FGD3: variants seen among roughly 807,000 people sequenced by gnomAD.
FGD3 encodes the protein FYVE, RhoGEF and PH domain-containing protein 3.
A neutral mutation model predicts 71.8 loss-of-function variants in FGD3; 45 were observed. That is an observed-to-expected ratio of 0.63 (90% CI 0.49 to 0.80). FGD3 has a LOEUF of 0.80. Among genes scored for constraint, FGD3 ranks in the 30% least tolerant of loss-of-function variants. The pLI is 0.00. For synonymous variants in FGD3, 378 were observed against 392.8 expected, an observed-to-expected ratio of 0.96 and a Z score of 0.44; for missense variants, 844 against 951.5, an observed-to-expected ratio of 0.89 and a Z score of 1.49.
At chr9:92,995,538 T>A (rs1463359067) in intron 3 of FGD3, among the ~76,000 whole-genome samples, 1 of 152,254 alleles carries the variant, frequency 6.6e-6, no homozygotes, top group Non-Finnish European at 1.5e-5. Flanking sequence ...AGAGAGGGCA[T>A]CCCTGTTTTA....
At chr9:93,023,051 A>T (rs1344724850) in intron 14 of FGD3, among the ~76,000 whole-genome samples, 1 of 152,210 alleles carries the variant, frequency 6.6e-6, no homozygotes, top group Non-Finnish European at 1.5e-5. Flanking sequence ...ACCTGGAGCC[A>T]TCATCATTGG....
At chr9:92,993,153 G>T (rs1444436770) in intron 3 of FGD3, among the ~76,000 whole-genome samples, 2 of 151,720 alleles carry the variant, frequency 1.3e-5, no homozygotes, top group Non-Finnish European at 2.9e-5. Context: ...TCTTTTTTTT[G>T]GTACAAGGTC....
chr9:92,957,983 A>C (rs1292991522), intron 1 of FGD3, among the ~76,000 whole-genome samples: 1 of 147,978 alleles, frequency 6.8e-6, no homozygotes, highest in African/African-American at 2.5e-5. Flanking sequence ...CCGCCTTTGA[A>C]ATTTTTAAAA....
rs771554165 is a variant in FGD3 at position 93,018,159 on chromosome 9, C to T, written c.1299C>T (p.Asn433=). The change falls in exon 11 of 18, where the codon AAC becomes AAT. Residue 433 remains asparagine, a synonymous_variant. Coordinates refer to ENST00000375482, the MANE Select transcript of FGD3 (RefSeq NM_001083536.2). ...AGGTGCAGGATATCGTCAAGCCAAA[C>T]ACAGCACATACATTCATCATAACAG... ...GLQVQDIVKP[N]TAHTFIITGR... 6 of 1,614,070 alleles carry T rather than the reference C, an allele frequency of 3.7e-6. No homozygotes were observed. In the African/African-American group the frequency reaches 8.0e-5, roughly 22 times the overall value.
chr9:92,973,347 T>A (rs1859607186), intron 1 of FGD3, among the ~76,000 whole-genome samples: 1 of 152,130 alleles, frequency 6.6e-6, no homozygotes, highest in Non-Finnish European at 1.5e-5. Flanking sequence ...ACTCCTGCCC[T>A]CAAGTGATCC....
chr9:93,016,483 G>A (rs577216851), intron 10 of FGD3, among the ~76,000 whole-genome samples: 1 of 151,876 alleles, frequency 6.6e-6, no homozygotes, highest in South Asian at 2.1e-4. Context: ...GATTACAGGT[G>A]TGTGCCACCA....
intron 1 of FGD3, among the ~76,000 whole-genome samples, chr9:92,964,962 G>T (rs888866898): frequency 6.6e-6 from 1 of 152,216 alleles, no homozygotes; most frequent in African/African-American, 2.4e-5. Context: ...AGCAGATGCG[G>T]GCCTGTGTAG....
Position 93,032,750 on chromosome 9 carries a change from C to G in FGD3, c.1681-19C>G, listed in dbSNP as rs770407680. 6.8e-6 allele frequency: 11 copies of G among 1,612,798 alleles called. No individual in the cohort carries two copies. The highest frequency in any genetic ancestry group is 8.5e-6 in the Non-Finnish European group (10 of 1,178,824). On this transcript the variant is annotated intron_variant, in intron 15 of 17. Coordinates refer to ENST00000375482, the MANE Select transcript of FGD3 (RefSeq NM_001083536.2). The stretch of plus-strand genomic sequence containing the variant: ...TCTGTCCCAGGGTGCTGGGGTCACA[C>G]GTGCCCTCTGTTTGGCAGGTCATCT...
rs112532966 is a variant in FGD3 at position 93,035,964 on chromosome 9, G to A, written c.*375G>A. On this transcript the variant is annotated 3_prime_UTR_variant, in exon 18 of 18. Coordinates refer to ENST00000375482, the MANE Select transcript of FGD3 (RefSeq NM_001083536.2). ...GCTGGTCTGCAGCGTGGTCCACCCC[G>A]CCTCTGCCCAGCCTGTCTACACCGT... The A allele has an allele frequency of 1.7e-4, 38 of 218,066 alleles. No individual in the cohort carries two copies. Among genetic ancestry groups the A allele is most frequent in the African/African-American group, 7.1e-4 (31 of 43,700 alleles). 13.5% of individuals were successfully genotyped at this position (218,066 alleles called of 1,614,324 possible). A position where few individuals can be genotyped will look rare whatever the true frequency, so the allele number is the denominator to read the frequency against.
At chr9:93,023,648 C>T (rs1313873627) in intron 14 of FGD3, among the ~76,000 whole-genome samples, 1 of 152,128 alleles carries the variant, frequency 6.6e-6, no homozygotes. Flanking sequence ...CCACCCTCCC[C>T]TGAGATGCCC....
In FGD3 at chr9:93,028,166, CTG is replaced by C. The variant is rs1862194166; in HGVS notation, c.1558-1706_1558-1705del. Reference sequence around the variant, plus strand: ...CAGCTCCAGAAACCTCAGCCTGGTGCTGTTCTTATGGCCCCTCAGCCCCTAGC... The same window carrying C: ...CAGCTCCAGAAACCTCAGCCTGGTGCTTCTTATGGCCCCTCAGCCCCTAGC... On this transcript the variant is annotated intron_variant, in intron 14 of 17. Coordinates refer to ENST00000375482, the MANE Select transcript of FGD3 (RefSeq NM_001083536.2). 3.3e-5 allele frequency among the ~76,000 whole-genome samples: 5 copies of C among 151,300 alleles called. No individual in the cohort carries two copies. In the South Asian group the frequency reaches 1.0e-3, roughly 32 times the overall value.
chr9:92,961,221 G>A (rs74581767), intron 1 of FGD3, among the ~76,000 whole-genome samples: 2,682 of 152,264 alleles, frequency 0.018, 35 homozygotes, highest in Non-Finnish European at 0.027. Flanking sequence ...CTCATCAGAG[G>A]CACCCACCCC....
intron 6 of FGD3, among the ~76,000 whole-genome samples, chr9:93,007,239 C>T (rs549173486): frequency 8.8e-4 from 134 of 151,830 alleles, no homozygotes; most frequent in African/African-American, 2.6e-3. Context: ...TACAGGCGCC[C>T]GCCACCACGC....
intron 1 of FGD3, among the ~76,000 whole-genome samples, chr9:92,965,672 C>T (rs1587814916): frequency 6.6e-6 from 1 of 152,236 alleles, no homozygotes; most frequent in African/African-American, 2.4e-5. Context: ...CTGAAATGAC[C>T]TTTTCCTGAG....
rs573516939 is a variant in FGD3, at chr9:93,024,964, A to G, written c.1557+2575A>G. Among the ~76,000 whole-genome samples, 26 of 152,376 alleles carry G rather than the reference A, an allele frequency of 1.7e-4. No homozygotes were observed. The East Asian group carries it at 5.0e-3, about 29-fold the overall frequency. On this transcript the variant is annotated intron_variant, in intron 14 of 17. Transcript: ENST00000375482. ...TCACTTGGCTCTGGGCAGAGAGATC[A>G]GAGAAGCTGTCAGGCGCTGCTGGCC...
intron 1 of FGD3, among the ~76,000 whole-genome samples, chr9:92,971,750 T>A (rs1453322801): frequency 6.6e-6 from 1 of 151,554 alleles, no homozygotes; most frequent in African/African-American, 2.4e-5. Context: ...TAGGGTGGGA[T>A]TTTTCTTGAT....
intron 3 of FGD3, among the ~76,000 whole-genome samples, chr9:92,995,551 C>A (rs940723738): frequency 5.3e-5 from 8 of 152,160 alleles, no homozygotes; most frequent in African/African-American, 1.9e-4. Flanking sequence ...CTGTTTTATG[C>A]CAGTTTTCAA....
At chr9:93,030,718 CAGG>C (rs1377026020) in intron 15 of FGD3, among the ~76,000 whole-genome samples, 4 of 88,758 alleles carry the variant, frequency 4.5e-5, no homozygotes, top group Non-Finnish European at 1.0e-4. Flanking sequence ...GGGGGGGCAG[CAGG>C]GGGGGGGGAA....
chr9:92,947,891 G>A (rs1212708888), intron 1 of FGD3, among the ~76,000 whole-genome samples, 162 bp downstream of exon 1: 1 of 152,118 alleles, frequency 6.6e-6, no homozygotes, highest in Non-Finnish European at 1.5e-5. Flanking sequence ...ACTGCCTGGT[G>A]TATACTTTGA....
Sources: gnomAD v4.1 joint callset for allele counts (sites outside exome capture counted in the v4.1 genomes callset) on GRCh38, gnomAD v4.1.1 for gene constraint, MANE v1.5 for transcripts, NCBI Gene and HGNC (gene_info 2026-07-23, HGNC 2026-07-21) for gene names.